The following SLIT3 variants were observed in gnomAD, a reference collection of about 807,000 sequenced individuals.
The protein encoded by SLIT3 is slit homolog 3 protein.
Under a neutral mutation model 184.0 loss-of-function variants are expected in SLIT3, and 68 were observed. That is an observed-to-expected ratio of 0.37 (90% CI 0.30 to 0.45). The LOEUF (loss-of-function observed/expected upper bound fraction) is 0.45, where lower values mean the gene tolerates loss of function less well. SLIT3 is among the 20% of genes least tolerant of loss of function. The probability of loss-of-function intolerance (pLI) is 1.00; values close to 1 mark genes in which losing one functional copy is unlikely to be tolerated. For missense variants in SLIT3, 1,707 were observed against 2,026.0 expected (o/e 0.84, Z 3.02); for synonymous variants, 831 against 828.6 (o/e 1.00, Z -0.05).
chr5:168,697,147 C>A (rs572677343), intron 27 of SLIT3, among the ~76,000 whole-genome samples: 2 of 152,226 alleles, frequency 1.3e-5, no homozygotes. Context: ...GATGCCATTT[C>A]TTCCCATCAT....
In SLIT3 at chr5:168,666,709, C is replaced by G. The variant is rs745709466; in HGVS notation, c.4337-20G>C. On this transcript the variant is annotated intron_variant, in intron 35 of 35. Transcript: ENST00000519560. Reference sequence around the variant, plus strand: ...GATTCTCTGCAGAGGGCATAGAAGTCAGGGCATTGGTGGTCTAGGTGGCCA... The same window carrying G: ...GATTCTCTGCAGAGGGCATAGAAGTGAGGGCATTGGTGGTCTAGGTGGCCA... 1.2e-6 allele frequency: 2 copies of G among 1,613,832 alleles called. No homozygotes were observed. Among genetic ancestry groups the G allele is most frequent in the Admixed American group, 1.7e-5 (1 of 60,000 alleles).
chr5:168,894,015 G>A (rs1261174149), intron 4 of SLIT3, among the ~76,000 whole-genome samples: 2 of 152,176 alleles, frequency 1.3e-5, no homozygotes, highest in African/African-American at 4.8e-5. Context: ...GGGGAGTGAG[G>A]CTGATTGATT....
intron 8 of SLIT3, among the ~76,000 whole-genome samples, chr5:168,814,393 T>TCAAG (rs1334060272): frequency 5.3e-5 from 7 of 131,896 alleles, no homozygotes; most frequent in Non-Finnish European, 9.4e-5. Context: ...TGAAACTGTC[T>TCAAG]CAAGCAAACA....
chr5:169,124,582 AG>A (rs1341596209), intron 4 of SLIT3, among the ~76,000 whole-genome samples: 1 of 152,246 alleles, frequency 6.6e-6, no homozygotes, highest in Non-Finnish European at 1.5e-5. Context: ...GTATAGATGT[AG>A]ATATGGATAT....
chr5:168,813,666 G>C (rs1757239419), intron 8 of SLIT3, among the ~76,000 whole-genome samples: 2 of 152,214 alleles, frequency 1.3e-5, no homozygotes, highest in South Asian at 4.1e-4. Context: ...TTTTGCCAAA[G>C]TGCACTGCTA....
chr5:168,807,905 T>C (rs776828369), intron 8 of SLIT3, among the ~76,000 whole-genome samples: 1 of 152,154 alleles, frequency 6.6e-6, no homozygotes, highest in Admixed American at 6.5e-5. Context: ...CCGCGTTCAA[T>C]AGTCCTCGTG....
chr5:168,848,368 C>G (rs973397079), intron 5 of SLIT3, among the ~76,000 whole-genome samples: 1 of 152,152 alleles, frequency 6.6e-6, no homozygotes, highest in Non-Finnish European at 1.5e-5. Flanking sequence ...TATCAGGGAG[C>G]CCTTGGGAAG....
At chr5:169,009,573 G>C (rs1054881689) in intron 4 of SLIT3, among the ~76,000 whole-genome samples, 2 of 152,226 alleles carry the variant, frequency 1.3e-5, no homozygotes, top group Non-Finnish European at 2.9e-5. Flanking sequence ...TTATCACTGA[G>C]AGAAGCTACC....
At chr5:168,850,986 T>G (rs1036508062) in intron 5 of SLIT3, among the ~76,000 whole-genome samples, 1 of 152,242 alleles carries the variant, frequency 6.6e-6, no homozygotes, top group Non-Finnish European at 1.5e-5. Context: ...CAAATGAATT[T>G]GTGTTGAAAA....
chr5:168,697,370 C>T (rs182151079), intron 27 of SLIT3, among the ~76,000 whole-genome samples: 1 of 152,150 alleles, frequency 6.6e-6, no homozygotes, highest in Non-Finnish European at 1.5e-5. Context: ...TGGTCATATC[C>T]CCAGGACTGG....
At chr5:169,281,873 T>TA (rs1455105339) in intron 1 of SLIT3, among the ~76,000 whole-genome samples, 5 of 63,424 alleles carry the variant, frequency 7.9e-5, no homozygotes, top group Non-Finnish European at 1.8e-4. Flanking sequence ...CAGAGGTAAT[T>TA]TTCCCCCCCA....
chr5:168,722,183 G>T, intron 23 of SLIT3, 73 bp downstream of exon 23: 1 of 1,338,714 alleles, frequency 7.5e-7, no homozygotes, highest in Non-Finnish European at 1.1e-6. Flanking sequence ...GAGTGGGGAA[G>T]GGGAGTGCTT....
intron 4 of SLIT3, among the ~76,000 whole-genome samples, chr5:168,922,643 G>A (rs898385313): frequency 6.6e-6 from 1 of 152,122 alleles, no homozygotes; most frequent in Admixed American, 6.5e-5. Flanking sequence ...GGAGTGCCAG[G>A]GAAAGGGCAA....
In SLIT3 at chr5:168,853,525, A is replaced by T. The variant is rs56082709; in HGVS notation, c.486-8870T>A. Among the ~76,000 whole-genome samples the T allele has an allele frequency of 8.0e-3, 1,218 of 152,332 alleles. 17 individuals carry two copies. Among genetic ancestry groups the T allele is most frequent in the African/African-American group, 0.028 (1,158 of 41,570 alleles). On this transcript the variant is annotated intron_variant, in intron 5 of 35. Coordinates refer to ENST00000519560, the MANE Select transcript of SLIT3 (RefSeq NM_003062.4). The stretch of plus-strand genomic sequence containing the variant: ...CATGATAAATTGTAGCAATCACAAA[A>T]CCATCACAACCATGATAATGATTGC...
intron 4 of SLIT3, among the ~76,000 whole-genome samples, chr5:168,912,553 G>A (rs1295629919): frequency 6.6e-6 from 1 of 152,186 alleles, no homozygotes; most frequent in African/African-American, 2.4e-5. Flanking sequence ...ACTAGACTAT[G>A]TGACTCAGGG....
At chr5:168,993,986 AG>A (rs1193663328) in intron 4 of SLIT3, 2 of 152,314 alleles carry the variant, frequency 1.3e-5, no homozygotes, top group African/African-American at 4.8e-5. Context: ...CAGGATGCCC[AG>A]GATGGGTATG....
intron 4 of SLIT3, among the ~76,000 whole-genome samples, chr5:169,102,842 A>AT (rs1305986152): frequency 2.6e-5 from 4 of 152,224 alleles, no homozygotes; most frequent in Admixed American, 1.3e-4. Context: ...AAGCACTCGA[A>AT]TGATATCTGA....
chr5:168,725,304 G>A (rs17665285), intron 20 of SLIT3, among the ~76,000 whole-genome samples: 26,452 of 152,114 alleles, frequency 0.17, 2,873 homozygotes, highest in East Asian at 0.41. Flanking sequence ...AGATAAGAAC[G>A]TCTCATTGTA....
At chr5:169,173,493 T>A (rs1762879330) in intron 4 of SLIT3, among the ~76,000 whole-genome samples, 1 of 152,188 alleles carries the variant, frequency 6.6e-6, no homozygotes, top group Non-Finnish European at 1.5e-5. Flanking sequence ...GCTTCAAGGA[T>A]GCTGTCTCCT....
Sources: gnomAD v4.1 joint callset for allele counts (sites outside exome capture counted in the v4.1 genomes callset) on GRCh38, gnomAD v4.1.1 for gene constraint, MANE v1.5 for transcripts, NCBI Gene and HGNC (gene_info 2026-07-23, HGNC 2026-07-21) for gene names.